Variants in ARPC2 observed in about 807,000 individuals in gnomAD.
ARPC2 encodes actin-related protein 2/3 complex subunit 2.
A neutral mutation model predicts 38.6 loss-of-function variants in ARPC2; 4 were observed. That is an observed-to-expected ratio of 0.10 (90% confidence interval 0.05 to 0.24). The LOEUF is 0.24. Among genes scored for constraint, ARPC2 ranks in the 10% least tolerant of loss-of-function variants. The pLI is 1.00. For synonymous variants in ARPC2, 125 were observed against 140.8 expected (o/e 0.89, Z 0.79); for missense variants, 229 against 387.3 (o/e 0.59, Z 3.43).
intron 7 of ARPC2, among the ~76,000 whole-genome samples, 176 bp from the exon 8 acceptor site, chr2:218,245,244 G>T (rs949393450): frequency 6.6e-6 from 1 of 152,224 alleles, no homozygotes; most frequent in African/African-American, 2.4e-5. Context: ...TGAATCTGAA[G>T]TGTAGTGGTA....
chr2:218,225,971 C>CAGGTA lies in ARPC2; in HGVS notation c.109+19_109+20insGTAAG, dbSNP rs771983542. The CAGGTA allele has an allele frequency of 8.1e-6, 13 of 1,612,838 alleles. No homozygotes were observed. The South Asian group carries it at 1.4e-4, about 18-fold the overall frequency. On this transcript the variant is annotated intron_variant, in intron 3 of 10. Transcript: ENST00000315717. The stretch of plus-strand genomic sequence containing the variant: ...CATTTGCAGGTAAGCATCTTTATCT[C>CAGGTA]AGCCCTCTGAAGAGAAGGTACAATA...
chr2:218,235,908 A>G (rs1689757386), intron 5 of ARPC2: 1 of 151,046 alleles, frequency 6.6e-6, no homozygotes, highest in South Asian at 2.1e-4. Context: ...GGGCAGCATA[A>G]TGAGATACCT....
At chr2:218,218,518 G>A (rs1216279101) in intron 2 of ARPC2, among the ~76,000 whole-genome samples, 2 of 152,246 alleles carry the variant, frequency 1.3e-5, no homozygotes, top group South Asian at 2.1e-4. Flanking sequence ...TAAGGATTTT[G>A]GGTTCTAATT....
rs190882214 is a variant in ARPC2 at position 218,226,515 on chromosome 2, G to C, written c.109+561G>C. 3.3e-3 allele frequency among the ~76,000 whole-genome samples: 496 copies of C among 149,546 alleles called. 10 individuals are homozygous for C. In the South Asian group the frequency reaches 0.042, roughly 13 times the overall value. On this transcript the variant is annotated intron_variant, in intron 3 of 10. Transcript: ENST00000315717. ...ATGGTGGCGGGCACCTGTAGTCCCA[G>C]CTACTCCGGAGGCCGAGGCAGGAGA...
intron 5 of ARPC2, among the ~76,000 whole-genome samples, chr2:218,237,523 ATTTT>A (rs535177958): frequency 1.5e-5 from 2 of 132,488 alleles, no homozygotes; most frequent in Non-Finnish European, 3.3e-5. Context: ...CCCACCACCA[ATTTT>A]TTTTTTTTTT....
chr2:218,245,303 C>T (rs1690005129), intron 7 of ARPC2, 117 bp from the exon 8 acceptor site: 1 of 1,310,214 alleles, frequency 7.6e-7, no homozygotes, highest in Non-Finnish European at 1.1e-6. Context: ...TATTTTTAAC[C>T]TCCTGCTGGT....
intron 7 of ARPC2, 68 bp from the exon 8 acceptor site, chr2:218,245,352 C>G: frequency 1.9e-6 from 3 of 1,604,870 alleles, no homozygotes; most frequent in Non-Finnish European, 2.6e-6. Context: ...AGAACAAACC[C>G]TATAGCTTGA....
At chr2:218,242,102 C>T (rs1689929807) in intron 7 of ARPC2, among the ~76,000 whole-genome samples, 1 of 152,184 alleles carries the variant, frequency 6.6e-6, no homozygotes. Context: ...CATGCACATC[C>T]AGCCTGATCA....
At chr2:218,219,981 C>A (rs1689346809) in intron 2 of ARPC2, among the ~76,000 whole-genome samples, 1 of 152,074 alleles carries the variant, frequency 6.6e-6, no homozygotes, top group Admixed American at 6.6e-5. Flanking sequence ...CATGCCTATT[C>A]CAGAACTTAC....
In ARPC2 at chr2:218,238,951, G is replaced by A. The variant is rs182679689; in HGVS notation, c.455+101G>A. On this transcript the variant is annotated intron_variant, in intron 6 of 10. Coordinates refer to ENST00000315717, the MANE Select transcript of ARPC2 (RefSeq NM_152862.3). The stretch of plus-strand genomic sequence containing the variant: ...TTGGTCAAACTTTCAGCTGTATTGC[G>A]TGAAAATGTTTTTCTCATAAAATGT... The A allele has an allele frequency of 1.5e-4, 151 of 988,208 alleles. No individual in the cohort carries two copies. The East Asian group carries it at 2.2e-3, about 14-fold the overall frequency. 61.2% of individuals were successfully genotyped at this position (988,208 alleles called of 1,614,324 possible).
At chr2:218,224,703 G>GA (rs397694811) in intron 2 of ARPC2, among the ~76,000 whole-genome samples, 12 of 151,406 alleles carry the variant, frequency 7.9e-5, no homozygotes, top group Non-Finnish European at 1.8e-4. Flanking sequence ...GTCACATATA[G>GA]GGCTTTGAAG....
At chr2:218,235,505 CT>C (rs754197560) in intron 5 of ARPC2, 480 of 146,332 alleles carry the variant, frequency 3.3e-3, no homozygotes, top group Middle Eastern at 7.2e-3. Context: ...TACCCAGCAC[CT>C]TTTTTTTTTT....
rs574025307 is a variant in ARPC2, at chr2:218,243,162, C to G, written c.550-2258C>G. Among the ~76,000 whole-genome samples the G allele has an allele frequency of 2.6e-5, 4 of 151,962 alleles. No homozygotes were observed. In the South Asian group the frequency reaches 8.3e-4, roughly 31 times the overall value. ...GGTATGAAAGAATGATCTTTTTTTC[C>G]TAAATGGCTATCCAGTGGTCCCAGT... On this transcript the variant is annotated intron_variant, in intron 7 of 10. Coordinates refer to ENST00000315717, the MANE Select transcript of ARPC2 (RefSeq NM_152862.3).
At chr2:218,244,974 A>G (rs556719246) in intron 7 of ARPC2, among the ~76,000 whole-genome samples, 2 of 152,218 alleles carry the variant, frequency 1.3e-5, no homozygotes, top group Non-Finnish European at 2.9e-5. Flanking sequence ...GGCTTCCTTT[A>G]TGAGCACCAA....
chr2:218,228,912 A>G (rs1414609444), intron 4 of ARPC2, 62 bp downstream of exon 4: 9 of 1,153,024 alleles, frequency 7.8e-6, no homozygotes, highest in African/African-American at 1.5e-5. Flanking sequence ...GCAGTTTGCC[A>G]TTCATGGAAG....
rs750953594 is a variant in ARPC2, at chr2:218,234,416, A to T, written c.268+19A>T. 2.5e-6 allele frequency: 4 copies of T among 1,579,676 alleles called. No homozygotes were observed. Among genetic ancestry groups the T allele is most frequent in the Middle Eastern group, 3.3e-4 (2 of 5,990 alleles). On this transcript the variant is annotated intron_variant, in intron 5 of 10. Coordinates refer to ENST00000315717, the MANE Select transcript of ARPC2 (RefSeq NM_152862.3). ...GAATCAGGTATGTAGTCATGTGAGC[A>T]ACTATGGAATGACATGGGAAGAGAG...
At chr2:218,231,688 C>T (rs1689637526) in intron 4 of ARPC2, among the ~76,000 whole-genome samples, 1 of 152,172 alleles carries the variant, frequency 6.6e-6, no homozygotes, top group African/African-American at 2.4e-5. Context: ...GTGCAATCAC[C>T]AAATAGGAAC....
In ARPC2 at chr2:218,223,012, A is replaced by G. The variant is rs569696068; in HGVS notation, c.75-2908A>G. On this transcript the variant is annotated intron_variant, in intron 2 of 10. Transcript: ENST00000315717. ...GATCCTGCCACCTGCTGCCTGCCCT[A>G]AGGGATATGGGGATCATTACCTCAG... 3.9e-5 allele frequency among the ~76,000 whole-genome samples: 6 copies of G among 152,254 alleles called. No individual in the cohort carries two copies. In the South Asian group the frequency reaches 1.2e-3, roughly 32 times the overall value.
intron 10 of ARPC2, 131 bp from the exon 11 acceptor site, chr2:218,253,760 T>C: frequency 8.5e-7 from 1 of 1,182,650 alleles, no homozygotes; most frequent in South Asian, 1.7e-5. Flanking sequence ...TTCCAGTGCC[T>C]CTGCTTAAGG....
Sources: gnomAD v4.1 joint callset for allele counts (sites outside exome capture counted in the v4.1 genomes callset) on GRCh38, gnomAD v4.1.1 for gene constraint, MANE v1.5 for transcripts, NCBI Gene and HGNC (gene_info 2026-07-23, HGNC 2026-07-21) for gene names.